The following UGT1A6 variants were observed in gnomAD, a reference collection of about 807,000 sequenced individuals.
The protein encoded by UGT1A6 is UDP-glucuronosyltransferase 1A6.
Under a neutral mutation model 44.4 loss-of-function variants are expected in UGT1A6, and 32 were observed. The ratio of observed to expected loss-of-function variants is 0.72; its 90% confidence interval spans 0.54 to 0.97. UGT1A6 has a LOEUF of 0.97. Among genes scored for constraint, UGT1A6 ranks in the 50% least tolerant of loss-of-function variants. The pLI, the probability that UGT1A6 is intolerant of heterozygous loss-of-function variation, is 0.00. For missense variants in UGT1A6, 685 were observed against 661.9 expected, an observed-to-expected ratio of 1.03 and a Z score of -0.38; for synonymous variants, 238 against 248.5, an observed-to-expected ratio of 0.96 and a Z score of 0.40.
At chr2:233,695,921 C>A (rs2075314397) in intron 1 of UGT1A6, among the ~76,000 whole-genome samples, 1 of 152,044 alleles carries the variant, frequency 6.6e-6, no homozygotes, top group South Asian at 2.1e-4. Flanking sequence ...CTCCACACAC[C>A]AAGCAAGCAG....
At chr2:233,724,084 T>C (rs1206273718) in intron 1 of UGT1A6, among the ~76,000 whole-genome samples, 23 of 99,034 alleles carry the variant, frequency 2.3e-4, no homozygotes, top group African/African-American at 1.2e-3. Flanking sequence ...GCAGAGGGGC[T>C]CCTCACTTCC....
chr2:233,757,027 T>C (rs1022147846), intron 1 of UGT1A6, among the ~76,000 whole-genome samples: 2 of 151,348 alleles, frequency 1.3e-5, no homozygotes, highest in African/African-American at 4.9e-5. Context: ...ACAAAGCAAT[T>C]TGAGAACATC....
chr2:233,762,218 A>G (rs1011647338), intron 1 of UGT1A6, among the ~76,000 whole-genome samples: 2 of 152,162 alleles, frequency 1.3e-5, no homozygotes, highest in African/African-American at 4.8e-5. Flanking sequence ...GCGCCCCATA[A>G]ATCTCAGCAC....
At position 233,718,885 on chromosome 2, in the gene UGT1A6, T is replaced by C. The variant is rs774756189; in HGVS notation, c.861+25020T>C. ...ACAGGACTGCTGCTCCTCCTCAGTG[T>C]CCAGCCCTGGGCTGAGAGTGGAAAG... On this transcript the variant is annotated intron_variant, in intron 1 of 4. Transcript: ENST00000305139. The C allele has an allele frequency of 6.2e-6, 10 of 1,613,986 alleles. No individual in the cohort carries two copies. Among genetic ancestry groups the C allele is most frequent in the Middle Eastern group, 1.7e-4 (1 of 5,990 alleles).
intron 1 of UGT1A6, among the ~76,000 whole-genome samples, chr2:233,711,248 G>C (rs561495182): frequency 6.6e-6 from 1 of 152,206 alleles, no homozygotes; most frequent in Non-Finnish European, 1.5e-5. Context: ...CATCTTCCAA[G>C]ATACATGGGC....
chr2:233,719,247 G>T, intron 1 of UGT1A6: 1 of 1,614,186 alleles, frequency 6.2e-7, no homozygotes, highest in African/African-American at 1.3e-5. Context: ...GCACCTGAAT[G>T]CTACTTCCTT....
intron 1 of UGT1A6, among the ~76,000 whole-genome samples, chr2:233,731,783 C>T (rs553987259): frequency 3.5e-4 from 54 of 152,240 alleles, no homozygotes; most frequent in African/African-American, 1.2e-3. Context: ...CATTTATAAT[C>T]GTTTGGGTAT....
In UGT1A6 at chr2:233,730,399, T is replaced by C. The variant is rs371215104; in HGVS notation, c.861+36534T>C. On this transcript the variant is annotated intron_variant, in intron 1 of 4. Coordinates refer to ENST00000305139, the MANE Select transcript of UGT1A6 (RefSeq NM_001072.4). ...GGGGAAAGATGATGCAACAGTAAAT[T>C]ACAATTGTTGACATGATAATTTTTA... Among the ~76,000 whole-genome samples, 4 of 152,338 alleles carry C rather than the reference T, an allele frequency of 2.6e-5. No individual in the cohort carries two copies. In the East Asian group the frequency reaches 7.7e-4, roughly 29 times the overall value.
chr2:233,729,623 C>G (rs142986334), intron 1 of UGT1A6: 41 of 1,613,794 alleles, frequency 2.5e-5, no homozygotes, highest in Admixed American at 2.3e-4. Flanking sequence ...AAGTACCTGT[C>G]GATTCCTACT....
intron 1 of UGT1A6, among the ~76,000 whole-genome samples, chr2:233,759,704 G>A (rs891688930): frequency 3.4e-4 from 52 of 151,494 alleles, no homozygotes; most frequent in African/African-American, 1.2e-3. Flanking sequence ...CTCATGGCGC[G>A]TGCTCGTGTG....
chr2:233,692,889 G>C (rs539010798), upstream of UGT1A6: 13 of 1,521,482 alleles, frequency 8.5e-6, no homozygotes, highest in African/African-American at 8.3e-5. Flanking sequence ...CAGAGCAAGG[G>C]AGAGGTAGAC....
chr2:233,750,239 C>T (rs1187783492), intron 1 of UGT1A6, among the ~76,000 whole-genome samples: 2 of 151,854 alleles, frequency 1.3e-5, no homozygotes, highest in African/African-American at 2.4e-5. Context: ...TTATTGGGAA[C>T]TGGAACAAAG....
chr2:233,737,713 A>C (rs1453713127), intron 1 of UGT1A6, among the ~76,000 whole-genome samples: 1 of 151,992 alleles, frequency 6.6e-6, no homozygotes, highest in Non-Finnish European at 1.5e-5. Flanking sequence ...TCTCCTCTCC[A>C]ACACCTCCTT....
rs2075175410 is a variant in UGT1A6, at chr2:233,693,698, C to A, written c.694C>A (p.Leu232Ile). Reference sequence around the variant, plus strand: ...TTGTCTGTTTTCAAAGTATGAAGAACTCGCATCAGCTGTCCTCAAGAGAGA... The same window carrying A: ...TTGTCTGTTTTCAAAGTATGAAGAAATCGCATCAGCTGTCCTCAAGAGAGA... ...FYCLFSKYEE[L>I]ASAVLKRDVD... The change falls in exon 1 of 5, where the codon CTC becomes ATC. Residue 232 changes from leucine to isoleucine, a missense_variant. Leu to Ile is a conservative substitution (Grantham distance 5, BLOSUM62 2). Coordinates refer to ENST00000305139, the MANE Select transcript of UGT1A6 (RefSeq NM_001072.4). The A allele has an allele frequency of 6.2e-7, 1 of 1,614,222 alleles. No individual in the cohort carries two copies. The highest frequency in any genetic ancestry group is 8.5e-7 in the Non-Finnish European group (1 of 1,180,044).
At chr2:233,744,245 C>T (rs1692747856) in intron 1 of UGT1A6, among the ~76,000 whole-genome samples, 1 of 151,742 alleles carries the variant, frequency 6.6e-6, no homozygotes, top group Non-Finnish European at 1.5e-5. Flanking sequence ...ACTTTGGCTG[C>T]CTGAAGAACT....
chr2:233,739,265 T>C (rs749101347), intron 1 of UGT1A6, among the ~76,000 whole-genome samples: 1 of 152,088 alleles, frequency 6.6e-6, no homozygotes, highest in Non-Finnish European at 1.5e-5. Flanking sequence ...AAATGTGAGG[T>C]TGGAGCCCCC....
In UGT1A6 at chr2:233,734,906, CA is replaced by C. The variant is rs200128219; in HGVS notation, c.862-32127del. Reference sequence around the variant, plus strand: ...GTTTGTTGTGATTTCTATTCTTTTACATTTGCTAAGGAGTGCTTTACTTACA... The same window carrying C: ...GTTTGTTGTGATTTCTATTCTTTTACTTTGCTAAGGAGTGCTTTACTTACA... On this transcript the variant is annotated intron_variant, in intron 1 of 4. Coordinates refer to ENST00000305139, the MANE Select transcript of UGT1A6 (RefSeq NM_001072.4). Among the ~76,000 whole-genome samples, 55 of 152,278 alleles carry C rather than the reference CA, an allele frequency of 3.6e-4. No homozygotes were observed. The East Asian group carries it at 0.011, about 29-fold the overall frequency.
At chr2:233,772,229 T>C in intron 4 of UGT1A6, 33 bp from the exon 5 acceptor site, 1 of 1,613,724 alleles carries the variant, frequency 6.2e-7, no homozygotes, top group Non-Finnish European at 8.5e-7. Context: ...ACCACAGGTG[T>C]TCCAGGCATA....
intron 1 of UGT1A6, among the ~76,000 whole-genome samples, chr2:233,701,924 A>C (rs2075660838): frequency 6.6e-6 from 1 of 152,202 alleles, no homozygotes; most frequent in African/African-American, 2.4e-5. Flanking sequence ...CTAACATCAC[A>C]ATTAAAAGAA....
Sources: allele counts gnomAD v4.1 joint callset (sites outside exome capture counted in the v4.1 genomes callset), GRCh38; gene constraint gnomAD v4.1.1; transcripts MANE v1.5; gene names NCBI Gene and HGNC (gene_info 2026-07-23, HGNC 2026-07-21).